Variants in TBCC observed in about 807,000 individuals in gnomAD.
TBCC encodes the protein tubulin-specific chaperone C.
In TBCC, 25 loss-of-function variants were observed where a neutral mutation model predicts 25.3. The ratio of observed to expected loss-of-function variants is 0.99; its 90% CI spans 0.72 to 1.38. The LOEUF (loss-of-function observed/expected upper bound fraction) is 1.38, where lower values mean the gene tolerates loss of function less well. Ranked by LOEUF, TBCC falls within the 40% of genes most tolerant of loss-of-function variation. TBCC has a pLI of 0.00. For synonymous variants in TBCC, 226 were observed against 192.8 expected (o/e 1.17, Z -1.43); for missense variants, 507 against 447.2 (o/e 1.13, Z -1.21).
Position 42,745,350 on chromosome 6 carries a change from T to G in TBCC, c.724A>C (p.Thr242Pro). Residue 242 changes from threonine (T) to proline (P), a missense_variant, in exon 1 of 1, where the codon ACC becomes CCC. Thr to Pro is a conservative substitution (Grantham distance 38). Coordinates refer to ENST00000372876, the MANE Select transcript of TBCC (RefSeq NM_003192.3). The surrounding 1 kb of genome is among the most constrained non-coding windows in gnomAD (Gnocchi z 4.2). Reference protein sequence around the residue: ...SCKLLCGPVSTSVFLEDCSDC... With the variant: ...SCKLLCGPVSPSVFLEDCSDC... ...CTGCAGTCCTCCAGGAAAACAGAGG[T>G]AGACACCGGACCGCAGAGCAGCTTG... 1 of 1,614,110 alleles carries G rather than the reference T, an allele frequency of 6.2e-7. No homozygotes were observed. The highest frequency in any genetic ancestry group is 8.5e-7 in the Non-Finnish European group (1 of 1,180,004).
Position 42,745,363 on chromosome 6 carries a change from G to A in TBCC, c.711C>T (p.Cys237=), listed in dbSNP as rs779438476. The A allele has an allele frequency of 2.5e-6, 4 of 1,614,226 alleles. No homozygotes were observed. The highest frequency in any genetic ancestry group is 1.3e-5 in the African/African-American group (1 of 75,070). The change falls in exon 1 of 1, where the codon TGC becomes TGT. Residue 237 remains cysteine, a synonymous_variant. Coordinates refer to ENST00000372876, the MANE Select transcript of TBCC (RefSeq NM_003192.3). This position sits in a 1 kb window ranked among gnomAD's most constrained non-coding sequence, Gnocchi z 4.2. Reference sequence around the variant, plus strand: ...GGAAAACAGAGGTAGACACCGGACCGCAGAGCAGCTTGCAGCTGTGGGCCT... The same window carrying A: ...GGAAAACAGAGGTAGACACCGGACCACAGAGCAGCTTGCAGCTGTGGGCCT... The part of the protein sequence containing the change: ...LTKAHSCKLL[C]GPVSTSVFLE...
In TBCC at chr6:42,745,469, T is replaced by G. The variant is rs1440249138; in HGVS notation, c.605A>C (p.His202Pro). 3 of 1,613,226 alleles carry G rather than the reference T, an allele frequency of 1.9e-6. No individual in the cohort carries two copies. Among genetic ancestry groups the G allele is most frequent in the Non-Finnish European group, 2.5e-6 (3 of 1,179,678 alleles). Residue 202 changes from histidine (H) to proline (P), a missense_variant, in exon 1 of 1, where the codon CAC becomes CCC. His to Pro is a moderately conservative substitution (Grantham distance 77, BLOSUM62 -2). Transcript: ENST00000372876. This position sits in a 1 kb window ranked among gnomAD's most constrained non-coding sequence, Gnocchi z 4.2. ...TTCGGTCAAAAGAACGTCGCGCTGGTGCAACTCGCTGGCTCTCTTCTCCAA... is the reference window on the plus strand; with the variant it reads ...TTCGGTCAAAAGAACGTCGCGCTGGGGCAACTCGCTGGCTCTCTTCTCCAA... ...QVLEKRASEL[H>P]QRDVLLTELS...
At position 42,745,783 on chromosome 6, in the gene TBCC, T is replaced by A; in HGVS notation, c.291A>T (p.Leu97=). 1 of 1,613,684 alleles carries A rather than the reference T, an allele frequency of 6.2e-7. No individual in the cohort carries two copies. Among genetic ancestry groups the A allele is most frequent in the Non-Finnish European group, 8.5e-7 (1 of 1,180,032 alleles). The change falls in exon 1 of 1, where the codon CTA becomes CTT. Residue 97 remains leucine (L), a synonymous_variant. Transcript: ENST00000372876. The surrounding 1 kb of genome is among the most constrained non-coding windows in gnomAD (Gnocchi z 4.2). ...AASRLQGLQK[L]INDSVFFLAA... Reference sequence around the variant, plus strand: ...CTAGGAAAAAAACTGAGTCGTTGATTAGTTTCTGCAGCCCCTGGAGCCGAG... The same window carrying A: ...CTAGGAAAAAAACTGAGTCGTTGATAAGTTTCTGCAGCCCCTGGAGCCGAG...
At position 42,745,589 on chromosome 6, in the gene TBCC, A is replaced by G. The variant is rs1348434847; in HGVS notation, c.485T>C (p.Val162Ala). The stretch of plus-strand genomic sequence containing the variant: ...CAGCGGGGAGTCCTGTATGCTTTCA[A>G]CTGCCGGGGGGATGCCAGGAGCCGC... Reference protein sequence around the residue: ...VDAAPGIPPAVESIQDSPLPK... With the variant: ...VDAAPGIPPAAESIQDSPLPK... The change falls in exon 1 of 1, where the codon GTT (valine) becomes GCT (alanine). Residue 162 changes from valine to alanine, a missense_variant. Transcript: ENST00000372876. The surrounding 1 kb of genome is among the most constrained non-coding windows in gnomAD (Gnocchi z 4.2). 1 of 1,611,722 alleles carries G rather than the reference A, an allele frequency of 6.2e-7. No homozygotes were observed. The highest frequency in any genetic ancestry group is 8.5e-7 in the Non-Finnish European group (1 of 1,178,526).
Position 42,745,704 on chromosome 6 carries a change from A to G in TBCC, c.370T>C (p.Leu124=). The G allele has an allele frequency of 6.2e-7, 1 of 1,612,722 alleles. No individual in the cohort carries two copies. Residue 124 remains leucine (L), a synonymous_variant, in exon 1 of 1, where the codon TTG becomes CTG. Coordinates refer to ENST00000372876, the MANE Select transcript of TBCC (RefSeq NM_003192.3). This position sits in a 1 kb window ranked among gnomAD's most constrained non-coding sequence, Gnocchi z 4.2. The part of the protein sequence containing the change: ...QEALARLQAA[L]AERRRGLQPK... ...TGCAGCCCCCGGCGCCGCTCGGCCAAGGCCGCCTGCAGCCGCGCCAGCGCC... is the reference window on the plus strand; with the variant it reads ...TGCAGCCCCCGGCGCCGCTCGGCCAGGGCCGCCTGCAGCCGCGCCAGCGCC...
Position 42,745,278 on chromosome 6 carries a change from T to C in TBCC, c.796A>G (p.Thr266Ala), listed in dbSNP as rs1223365642. ...TGCAGGAAGATGCGGGTGTCTTTCGTACTGTGTATGCGGAGCTGTTGGCAG... is the reference window on the plus strand; with the variant it reads ...TGCAGGAAGATGCGGGTGTCTTTCGCACTGTGTATGCGGAGCTGTTGGCAG... ...VACQQLRIHS[T>A]KDTRIFLQVT... Residue 266 changes from threonine to alanine, a missense_variant, in exon 1 of 1, where the codon ACG becomes GCG. Coordinates refer to ENST00000372876, the MANE Select transcript of TBCC (RefSeq NM_003192.3). The surrounding 1 kb of genome is among the most constrained non-coding windows in gnomAD (Gnocchi z 4.2). The C allele has an allele frequency of 1.2e-6, 2 of 1,614,108 alleles. No homozygotes were observed. The highest frequency in any genetic ancestry group is 2.7e-5 in the African/African-American group (2 of 74,928).
chr6:42,745,210 C>A lies in TBCC; in HGVS notation c.864G>T (p.Gln288His), dbSNP rs1762238324. The A allele has an allele frequency of 1.5e-5, 24 of 1,614,114 alleles. No individual in the cohort carries two copies. Among genetic ancestry groups the A allele is most frequent in the African/African-American group, 8.0e-5 (6 of 74,940 alleles). ...RAIVEDCSGI[Q>H]FAPYTWSYPE... The stretch of plus-strand genomic sequence containing the variant: ...GGTAGCTCCAGGTGTAAGGGGCGAA[C>A]TGGATCCCACTGCAGTCCTCCACGA... The change falls in exon 1 of 1, where the codon CAG becomes CAT. Residue 288 changes from glutamine (Q) to histidine (H), a missense_variant. By Grantham distance (24) the Gln-to-His change is conservative. Transcript: ENST00000372876. The surrounding 1 kb of genome is among the most constrained non-coding windows in gnomAD (Gnocchi z 4.2).
At position 42,745,065 on chromosome 6, in the gene TBCC, G is replaced by A. The variant is rs1179876702; in HGVS notation, c.1009C>T (p.Pro337Ser). The A allele has an allele frequency of 1.9e-6, 3 of 1,614,184 alleles. No individual in the cohort carries two copies. The highest frequency in any genetic ancestry group is 2.5e-6 in the Non-Finnish European group (3 of 1,180,026). ...CACTGGATATTTCGCTCCTCTTCAG[G>A]AAGAATACTCCAGTTTGGGGAGGCC... Reference protein sequence around the residue: ...DMASPNWSILPEEERNIQWD With the variant: ...DMASPNWSILSEEERNIQWD The change falls in exon 1 of 1, where the codon CCT (proline) becomes TCT (serine). Residue 337 changes from proline to serine, a missense_variant. Physicochemically the swap from Pro to Ser is moderately conservative, Grantham distance 74. Coordinates refer to ENST00000372876, the MANE Select transcript of TBCC (RefSeq NM_003192.3). This position sits in a 1 kb window ranked among gnomAD's most constrained non-coding sequence, Gnocchi z 4.2.
chr6:42,744,844 C>T lies in TBCC; in HGVS notation c.*189G>A. The stretch of plus-strand genomic sequence containing the variant: ...AGTCTCAAAGGCATGACGAAAATAG[C>T]AAAAATGCTTTAGTGTTATACCTGT... On this transcript the variant is annotated 3_prime_UTR_variant, in exon 1 of 1. Transcript: ENST00000372876. The T allele has an allele frequency of 1.6e-6, 1 of 621,666 alleles. No individual in the cohort carries two copies. The highest frequency in any genetic ancestry group is 2.8e-6 in the Non-Finnish European group (1 of 363,594). The allele number at this position is 621,666 out of a possible 1,614,324, so 38.5% of individuals were successfully genotyped here.
In TBCC at chr6:42,746,086, C is replaced by T. The variant is rs752387843; in HGVS notation, c.-13G>A. On this transcript the variant is annotated 5_prime_UTR_variant, in exon 1 of 1. Coordinates refer to ENST00000372876, the MANE Select transcript of TBCC (RefSeq NM_003192.3). ...TGACGGACTCCATATTGGCTTCAAG[C>T]TTCCTCTCTCTTGTCTTCCTTCCTC... 2 of 1,603,194 alleles carry T rather than the reference C, an allele frequency of 1.2e-6. No homozygotes were observed. Among genetic ancestry groups the T allele is most frequent in the East Asian group, 2.2e-5 (1 of 44,666 alleles).
Position 42,745,799 on chromosome 6 carries a change from T to C in TBCC, c.275A>G (p.Gln92Arg). ...GTCGTTGATTAGTTTCTGCAGCCCC[T>C]GGAGCCGAGAGGCCGCCTCCTCCAG... ...ERLEEAASRL[Q>R]GLQKLINDSV... Residue 92 changes from glutamine to arginine, a missense_variant, in exon 1 of 1, where the codon CAG (glutamine) becomes CGG (arginine). Gln to Arg is a conservative substitution (Grantham distance 43). Coordinates refer to ENST00000372876, the MANE Select transcript of TBCC (RefSeq NM_003192.3). The surrounding 1 kb of genome is among the most constrained non-coding windows in gnomAD (Gnocchi z 4.2). The C allele has an allele frequency of 6.2e-7, 1 of 1,613,216 alleles. No homozygotes were observed. The highest frequency in any genetic ancestry group is 1.3e-5 in the African/African-American group (1 of 75,068).
In TBCC at chr6:42,745,743, G is replaced by A. The variant is rs754888820; in HGVS notation, c.331C>T (p.Arg111Trp). 6 of 1,613,896 alleles carry A rather than the reference G, an allele frequency of 3.7e-6. No individual in the cohort carries two copies. The South Asian group carries it at 6.6e-5, about 18-fold the overall frequency. ...SVFFLAAYDL[R>W]QGQEALARLQ... ...CGCGCCAGCGCCTCTTGTCCCTGCC[G>A]CAGGTCGTAAGCGGCTAGGAAAAAA... The change falls in exon 1 of 1, where the codon CGG becomes TGG. Residue 111 changes from arginine (R) to tryptophan (W), a missense_variant. Coordinates refer to ENST00000372876, the MANE Select transcript of TBCC (RefSeq NM_003192.3). This position sits in a 1 kb window ranked among gnomAD's most constrained non-coding sequence, Gnocchi z 4.2.
Position 42,745,245 on chromosome 6 carries a change from T to C in TBCC, c.829A>G (p.Ser277Gly), listed in dbSNP as rs1465348410. ...CTGCAGTCCTCCACGATGGCCCTGCTGGTCACCTGCAGGAAGATGCGGGTG... is the reference window on the plus strand; with the variant it reads ...CTGCAGTCCTCCACGATGGCCCTGCCGGTCACCTGCAGGAAGATGCGGGTG... ...KDTRIFLQVT[S>G]RAIVEDCSGI... The change falls in exon 1 of 1, where the codon AGC (serine) becomes GGC (glycine). Residue 277 changes from serine (S) to glycine (G), a missense_variant. By Grantham distance (56) the Ser-to-Gly change is moderately conservative. Transcript: ENST00000372876. This position sits in a 1 kb window ranked among gnomAD's most constrained non-coding sequence, Gnocchi z 4.2. 6.2e-7 allele frequency: 1 copy of C among 1,614,114 alleles called. No homozygotes were observed. The highest frequency in any genetic ancestry group is 1.3e-5 in the African/African-American group (1 of 74,940).
Position 42,744,993 on chromosome 6 carries a change from G to A in TBCC, c.*40C>T, listed in dbSNP as rs1195871338. 9 of 1,576,100 alleles carry A rather than the reference G, an allele frequency of 5.7e-6. No individual in the cohort carries two copies. The highest frequency in any genetic ancestry group is 7.8e-6 in the Non-Finnish European group (9 of 1,154,564). On this transcript the variant is annotated 3_prime_UTR_variant, in exon 1 of 1. Coordinates refer to ENST00000372876, the MANE Select transcript of TBCC (RefSeq NM_003192.3). ...CCAATAAGGGGGAAAGTCCAACGTG[G>A]AAAGTATTTGGTAGGAGTGAAGAAC...
rs2234028 is a variant in TBCC, at chr6:42,745,536, G to C, written c.538C>G (p.Pro180Ala). ...TTGGAGAAACCGCAGACCCAGCTGG[G>C]GCCGAGGTCTCCTTCCGCCTTCTTG... is the stretch of plus-strand genomic sequence containing the variant. ...LPKKAEGDLG[P>A]SWVCGFSNLE... Residue 180 changes from proline to alanine, a missense_variant, in exon 1 of 1, where the codon CCC becomes GCC. Transcript: ENST00000372876. This position sits in a 1 kb window ranked among gnomAD's most constrained non-coding sequence, Gnocchi z 4.2. 3 of 1,610,996 alleles carry C rather than the reference G, an allele frequency of 1.9e-6. No individual in the cohort carries two copies. Among genetic ancestry groups the C allele is most frequent in the East Asian group, 2.2e-5 (1 of 44,794 alleles).
In TBCC at chr6:42,745,436, T is replaced by C. The variant is rs147066602; in HGVS notation, c.638A>G (p.Asn213Ser). ...ATTTCCATACAGTCTGACCGTGCAG[T>C]TGCTCAGTTCGGTCAAAAGAACGTC... ...QRDVLLTELS[N>S]CTVRLYGNPN... Residue 213 changes from asparagine to serine, a missense_variant, in exon 1 of 1, where the codon AAC becomes AGC. Coordinates refer to ENST00000372876, the MANE Select transcript of TBCC (RefSeq NM_003192.3). This position sits in a 1 kb window ranked among gnomAD's most constrained non-coding sequence, Gnocchi z 4.2. 8.6e-5 allele frequency: 139 copies of C among 1,614,184 alleles called. 1 individual carries two copies. The African/African-American group carries it at 1.6e-3, about 18-fold the overall frequency.
Position 42,744,896 on chromosome 6 carries a change from G to T in TBCC, c.*137C>A. On this transcript the variant is annotated 3_prime_UTR_variant, in exon 1 of 1. Transcript: ENST00000372876. ...ACGAATTTAATGGAAATTACAAGTA[G>T]GAGCCCATTACAATCTCTAGCCTTA... 2 of 795,348 alleles carry T rather than the reference G, an allele frequency of 2.5e-6. No homozygotes were observed. 49.3% of individuals were successfully genotyped at this position (795,348 alleles called of 1,614,324 possible). A position where few individuals can be genotyped will look rare whatever the true frequency, so the allele number is the denominator to read the frequency against.
chr6:42,745,894 GAAA>G lies in TBCC; in HGVS notation c.177_179del (p.Phe60del), dbSNP rs761198701. On this transcript the variant is annotated inframe_deletion, in exon 1 of 1. Transcript: ENST00000372876. This position sits in a 1 kb window ranked among gnomAD's most constrained non-coding sequence, Gnocchi z 4.2. ...CTCGCTCCCGAACAAAGGTGGCGACGAAAAAGTGGCTGTTCTCCTTCTCTACCT... is the reference window on the plus strand; with the variant it reads ...CTCGCTCCCGAACAAAGGTGGCGACGAAGTGGCTGTTCTCCTTCTCTACCT... The G allele has an allele frequency of 2.5e-5, 40 of 1,613,722 alleles. No homozygotes were observed. The highest frequency in any genetic ancestry group is 3.1e-5 in the Non-Finnish European group (37 of 1,179,990).
Position 42,745,631 on chromosome 6 carries a change from G to A in TBCC, c.443C>T (p.Ser148Leu), listed in dbSNP as rs540163900. 29 of 1,612,854 alleles carry A rather than the reference G, an allele frequency of 1.8e-5. No homozygotes were observed. Among genetic ancestry groups the A allele is most frequent in the South Asian group, 4.4e-5 (4 of 91,052 alleles). ...AFKTRGKDAA[S>L]STKVDAAPGI... ...AGGAGCCGCGTCTACTTTGGTAGACGAAGCAGCATCCTTTCCCCGGGTCTT... is the reference window on the plus strand; with the variant it reads ...AGGAGCCGCGTCTACTTTGGTAGACAAAGCAGCATCCTTTCCCCGGGTCTT... Residue 148 changes from serine to leucine, a missense_variant, in exon 1 of 1, where the codon TCG (serine) becomes TTG (leucine). Transcript: ENST00000372876. This position sits in a 1 kb window ranked among gnomAD's most constrained non-coding sequence, Gnocchi z 4.2.
Sources: gnomAD v4.1 joint callset for allele counts on GRCh38, gnomAD v4.1.1 for gene constraint, Gnocchi (gnomAD v3.1) non-coding constraint, MANE v1.5 for transcripts, NCBI Gene and HGNC (gene_info 2026-07-23, HGNC 2026-07-21) for gene names.